The following CLYBL variants were observed in gnomAD, a reference collection of about 807,000 sequenced individuals.
CLYBL encodes citramalyl-CoA lyase, mitochondrial.
In CLYBL, 31 loss-of-function variants were observed where a neutral mutation model predicts 38.9. The observed-to-expected ratio is 0.80, with a 90% CI of 0.60 to 1.08. The LOEUF (loss-of-function observed/expected upper bound fraction) is 1.08. CLYBL is among the 50% of genes least tolerant of loss of function. The pLI, the probability that CLYBL is intolerant of heterozygous loss-of-function variation, is 0.00. For synonymous variants in CLYBL, 171 were observed against 158.6 expected (o/e 1.08, Z -0.59); for missense variants, 434 against 411.6 (o/e 1.05, Z -0.47).
chr13:99,824,257 G>GCCCCCCCCCCCCCCCCCCCCCCCCC (rs57450534), intron 2 of CLYBL, among the ~76,000 whole-genome samples: 1 of 130,414 alleles, frequency 7.7e-6, no homozygotes, highest in Non-Finnish European at 1.6e-5. Context: ...CTGACTAATA[G>GCCCCCCCCCCCCCCCCCCCCCCCCC]CCCCCCCCAC....
intron 1 of CLYBL, among the ~76,000 whole-genome samples, chr13:99,644,338 T>A (rs997120073): frequency 1.3e-5 from 2 of 152,064 alleles, no homozygotes; most frequent in African/African-American, 2.4e-5. Context: ...TAAAAAAAAA[T>A]TTGAAAACTG....
intron 1 of CLYBL, among the ~76,000 whole-genome samples, chr13:99,724,082 C>G (rs1459927754): frequency 2.6e-5 from 4 of 152,106 alleles, no homozygotes; most frequent in African/African-American, 9.7e-5. Context: ...AGAAGTCCAT[C>G]TTTTCTTTCA....
chr13:99,880,068 A>ATATATTTTTT (rs34063235), intron 7 of CLYBL, among the ~76,000 whole-genome samples: 1 of 101,184 alleles, frequency 9.9e-6, no homozygotes, highest in African/African-American at 4.1e-5. Flanking sequence ...ATATATATAT[A>ATATATTTTTT]TTTTTTTTTT....
chr13:99,810,787 CAG>C (rs1252003407), intron 2 of CLYBL, among the ~76,000 whole-genome samples: 11 of 152,086 alleles, frequency 7.2e-5, no homozygotes, highest in Non-Finnish European at 1.3e-4. Flanking sequence ...ATGAGGAAGA[CAG>C]AGGACATCAG....
At chr13:99,782,708 C>T (rs2049684996) in intron 2 of CLYBL, among the ~76,000 whole-genome samples, 1 of 152,106 alleles carries the variant, frequency 6.6e-6, no homozygotes, top group Admixed American at 6.6e-5. Context: ...CTCCCTTCCT[C>T]CCTTACATTT....
intron 2 of CLYBL, among the ~76,000 whole-genome samples, chr13:99,836,666 A>G (rs1479079080): frequency 6.6e-6 from 1 of 152,216 alleles, no homozygotes; most frequent in East Asian, 1.9e-4. Context: ...AGCTTTTTCT[A>G]TAAAAAGTAT....
chr13:99,706,229 G>A (rs928354367), intron 1 of CLYBL, among the ~76,000 whole-genome samples: 1 of 151,692 alleles, frequency 6.6e-6, no homozygotes, highest in Non-Finnish European at 1.5e-5. Context: ...CGTGCCTGAC[G>A]TATTTTGCCC....
intron 1 of CLYBL, among the ~76,000 whole-genome samples, chr13:99,662,665 G>A (rs1367029123): frequency 6.6e-6 from 1 of 152,002 alleles, no homozygotes; most frequent in Non-Finnish European, 1.5e-5. Flanking sequence ...CTGACAAATG[G>A]ATACCACTTT....
At chr13:99,782,784 T>C (rs2049686806) in intron 2 of CLYBL, among the ~76,000 whole-genome samples, 2 of 152,188 alleles carry the variant, frequency 1.3e-5, no homozygotes, top group African/African-American at 4.8e-5. Context: ...TTTTATCCAT[T>C]TTGTAAAATT....
intron 1 of CLYBL, among the ~76,000 whole-genome samples, chr13:99,608,592 G>GGGCC (rs2046569859): frequency 1.3e-5 from 2 of 152,142 alleles, no homozygotes; most frequent in Non-Finnish European, 2.9e-5. Flanking sequence ...CAGCGTCTGT[G>GGGCC]ACCTGTTCAG....
At chr13:99,826,900 C>CA (rs1174229922) in intron 2 of CLYBL, among the ~76,000 whole-genome samples, 2 of 152,210 alleles carry the variant, frequency 1.3e-5, no homozygotes, top group East Asian at 3.8e-4. Flanking sequence ...CAGTGGGACT[C>CA]ACGTTGTAAG....
At chr13:99,663,099 G>A (rs1261913762) in intron 1 of CLYBL, among the ~76,000 whole-genome samples, 7 of 152,196 alleles carry the variant, frequency 4.6e-5, no homozygotes, top group Admixed American at 3.9e-4. Context: ...CAAGGAATAT[G>A]CTGTGATGAA....
intron 2 of CLYBL, among the ~76,000 whole-genome samples, chr13:99,784,134 C>G (rs1239624174): frequency 6.6e-6 from 1 of 152,180 alleles, no homozygotes; most frequent in East Asian, 1.9e-4. Context: ...AGTCAATCAT[C>G]ATGCTTGTGA....
chr13:99,662,412 C>A (rs2047421521), intron 1 of CLYBL, among the ~76,000 whole-genome samples: 1 of 151,868 alleles, frequency 6.6e-6, no homozygotes, highest in Non-Finnish European at 1.5e-5. Flanking sequence ...TAGTTACTTT[C>A]ATAGAGAATC....
chr13:99,772,486 T>C (rs1451913045), intron 1 of CLYBL, among the ~76,000 whole-genome samples: 1 of 152,064 alleles, frequency 6.6e-6, no homozygotes. Context: ...CCCTTGAGCC[T>C]AGGAGTTCAA....
At chr13:99,652,479 G>T (rs532212031) in intron 1 of CLYBL, among the ~76,000 whole-genome samples, 3 of 152,072 alleles carry the variant, frequency 2.0e-5, no homozygotes, top group Non-Finnish European at 4.4e-5. Flanking sequence ...AGGCTGAAGC[G>T]GGTGGATCAC....
chr13:99,880,358 C>T (rs1290522151), intron 7 of CLYBL, among the ~76,000 whole-genome samples: 3 of 152,202 alleles, frequency 2.0e-5, no homozygotes, highest in Non-Finnish European at 4.4e-5. Flanking sequence ...AGCCACTGCA[C>T]CTGGCCCTTG....
chr13:99,833,996 A>G (rs149172134), intron 2 of CLYBL, among the ~76,000 whole-genome samples: 8 of 152,122 alleles, frequency 5.3e-5, no homozygotes, highest in East Asian at 1.9e-4. Flanking sequence ...CACCATGCGC[A>G]GCCCTGTGTT....
intron 1 of CLYBL, among the ~76,000 whole-genome samples, chr13:99,660,324 T>C (rs4525350): frequency 0.69 from 104,616 of 152,102 alleles, 37,459 homozygotes; most frequent in East Asian, 0.89. Context: ...ATTATTCCTC[T>C]GTCGGTCATC....
Sources: gnomAD v4.1 joint callset for allele counts (sites outside exome capture counted in the v4.1 genomes callset) on GRCh38, gnomAD v4.1.1 for gene constraint, MANE v1.5 for transcripts, NCBI Gene and HGNC (gene_info 2026-07-23, HGNC 2026-07-21) for gene names.